SOWAHA: variants seen among roughly 807,000 people sequenced by gnomAD.
SOWAHA encodes the protein ankyrin repeat domain-containing protein SOWAHA.
A neutral mutation model predicts 21.1 loss-of-function variants in SOWAHA; 17 were observed. The observed-to-expected ratio is 0.80, with a 90% CI of 0.55 to 1.21. The LOEUF is 1.21. Ranked by LOEUF, SOWAHA falls within the 50% of genes most tolerant of loss-of-function variation. The pLI is 0.00. For missense variants in SOWAHA, 862 were observed against 816.0 expected, an observed-to-expected ratio of 1.06 and a Z score of -0.69; for synonymous variants, 422 against 397.1, an observed-to-expected ratio of 1.06 and a Z score of -0.75.
Position 132,815,073 on chromosome 5 carries a change from T to G in SOWAHA, c.1452T>G (p.Ala484=). Residue 484 remains alanine, a synonymous_variant, in exon 1 of 1, where the codon GCT becomes GCG. Coordinates refer to ENST00000378693, the MANE Select transcript of SOWAHA (RefSeq NM_175873.6). ...STTSAFLGVL[A]DDLMLQDLAR... is the part of the protein sequence containing the mutation. ...CCAGTGCATTTCTGGGCGTCCTGGC[T>G]GACGACCTCATGCTCCAGGACCTGG... 1 of 1,612,774 alleles carries G rather than the reference T, an allele frequency of 6.2e-7. No individual in the cohort carries two copies. Among genetic ancestry groups the G allele is most frequent in the Non-Finnish European group, 8.5e-7 (1 of 1,179,230 alleles).
Position 132,815,407 on chromosome 5 carries a change from C to T in SOWAHA, c.*136C>T. 1 of 735,360 alleles carries T rather than the reference C, an allele frequency of 1.4e-6. No individual in the cohort carries two copies. The highest frequency in any genetic ancestry group is 2.2e-6 in the Non-Finnish European group (1 of 451,710). The allele number at this position is 735,360 out of a possible 1,614,324, so 45.6% of individuals were successfully genotyped here. A position where few individuals can be genotyped will look rare whatever the true frequency, so the allele number is the denominator to read the frequency against. Reference sequence around the variant, plus strand: ...TTTGTCCAGGGCAGCCTGTTTTACCCAGATGGGCCTGCACCTCCAGCTTCT... The same window carrying T: ...TTTGTCCAGGGCAGCCTGTTTTACCTAGATGGGCCTGCACCTCCAGCTTCT... On this transcript the variant is annotated 3_prime_UTR_variant, in exon 1 of 1. Coordinates refer to ENST00000378693, the MANE Select transcript of SOWAHA (RefSeq NM_175873.6).
In SOWAHA at chr5:132,813,496, A is replaced by C; in HGVS notation, c.-126A>C. On this transcript the variant is annotated 5_prime_UTR_variant, in exon 1 of 1. Coordinates refer to ENST00000378693, the MANE Select transcript of SOWAHA (RefSeq NM_175873.6). Reference sequence around the variant, plus strand: ...GCGACCGAGGTCCAGCTTCGGGGACACGCCCGGCTGGCCGCGGGGAAGGCA... The same window carrying C: ...GCGACCGAGGTCCAGCTTCGGGGACCCGCCCGGCTGGCCGCGGGGAAGGCA... 1 of 584,484 alleles carries C rather than the reference A, an allele frequency of 1.7e-6. No homozygotes were observed. 36.2% of individuals were successfully genotyped at this position (584,484 alleles called of 1,614,324 possible).
Position 132,814,914 on chromosome 5 carries a change from G to A in SOWAHA, c.1293G>A (p.Ser431=), listed in dbSNP as rs753498449. Residue 431 remains serine (S), a synonymous_variant, in exon 1 of 1, where the codon TCG becomes TCA. Transcript: ENST00000378693. ...ACCAGTACCTGCGGCCCGGCTCCTCGTACGCGCTGCGCCGCCTTCTTGGCG... is the reference window on the plus strand; with the variant it reads ...ACCAGTACCTGCGGCCCGGCTCCTCATACGCGCTGCGCCGCCTTCTTGGCG... The part of the protein sequence containing the change: ...RAYQYLRPGS[S]YALRRLLGDP... The A allele has an allele frequency of 5.8e-6, 9 of 1,548,482 alleles. No individual in the cohort carries two copies. The highest frequency in any genetic ancestry group is 3.4e-4 in the Middle Eastern group (2 of 5,810).
chr5:132,814,619 G>A lies in SOWAHA; in HGVS notation c.998G>A (p.Arg333His), dbSNP rs1019088796. The change falls in exon 1 of 1, where the codon CGC becomes CAC. Residue 333 changes from arginine (R) to histidine (H), a missense_variant. Transcript: ENST00000378693. ...CACCAGCTGCACGGGCTGCTGCTGCGCGACCGCGGCTTGGCGGCCAAGCGC... is the reference window on the plus strand; with the variant it reads ...CACCAGCTGCACGGGCTGCTGCTGCACGACCGCGGCTTGGCGGCCAAGCGC... ...WTHQLHGLLL[R>H]DRGLAAKRDF... 3 of 1,519,454 alleles carry A rather than the reference G, an allele frequency of 2.0e-6. No individual in the cohort carries two copies. The highest frequency in any genetic ancestry group is 1.2e-5 in the South Asian group (1 of 82,126). The allele number at this position is 1,519,454 out of a possible 1,614,324, so 94.1% of individuals were successfully genotyped here.
Position 132,814,447 on chromosome 5 carries a change from C to G in SOWAHA, c.826C>G (p.Pro276Ala), listed in dbSNP as rs1331150662. ...LGLGLGPGRS[P>A]HLRRLSRAGP... ...CCTCGGCCTGGGCCCGGGCCGCTCC[C>G]CGCACCTGAGGCGCCTGTCGCGCGC... Residue 276 changes from proline (P) to alanine (A), a missense_variant, in exon 1 of 1, where the codon CCG becomes GCG. Coordinates refer to ENST00000378693, the MANE Select transcript of SOWAHA (RefSeq NM_175873.6). 3.4e-6 allele frequency: 5 copies of G among 1,462,942 alleles called. No homozygotes were observed. Among genetic ancestry groups the G allele is most frequent in the African/African-American group, 3.0e-5 (2 of 67,544 alleles). The allele number at this position is 1,462,942 out of a possible 1,614,324, so 90.6% of individuals were successfully genotyped here.
In SOWAHA at chr5:132,814,929, C is replaced by G. The variant is rs781739042; in HGVS notation, c.1308C>G (p.Arg436=). 6.4e-7 allele frequency: 1 copy of G among 1,559,136 alleles called. No individual in the cohort carries two copies. ...CCGGCTCCTCGTACGCGCTGCGCCG[C>G]CTTCTTGGCGATCCAGGCCTGCGAG... ...LRPGSSYALR[R]LLGDPGLRGT... Residue 436 remains arginine (R), a synonymous_variant, in exon 1 of 1, where the codon CGC becomes CGG. Transcript: ENST00000378693.
Position 132,816,564 on chromosome 5 carries a change from ATC to A in SOWAHA, c.*1295_*1296del, listed in dbSNP as rs1758387100. On this transcript the variant is annotated 3_prime_UTR_variant, in exon 1 of 1. Coordinates refer to ENST00000378693, the MANE Select transcript of SOWAHA (RefSeq NM_175873.6). ...TTATTTTATGTTTTAAAGATATGAA[ATC>A]TGTTTACTCAACCAATTTTTTAAAT... 6.0e-6 allele frequency: 1 copy of A among 167,124 alleles called. No individual in the cohort carries two copies. The highest frequency in any genetic ancestry group is 1.5e-5 in the Non-Finnish European group (1 of 68,116). The allele number at this position is 167,124 out of a possible 1,614,324, so 10.4% of individuals were successfully genotyped here.
rs1185389351 is a variant in SOWAHA at position 132,814,730 on chromosome 5, G to T, written c.1109G>T (p.Arg370Leu). Residue 370 changes from arginine to leucine, a missense_variant, in exon 1 of 1, where the codon CGG becomes CTG. Transcript: ENST00000378693. Reference sequence around the variant, plus strand: ...GCGCTGCAGCTGGTGGAGGTCGCGCGGCGCAGTGGCGCACCAGTCGACGTG... The same window carrying T: ...GCGCTGCAGCTGGTGGAGGTCGCGCTGCGCAGTGGCGCACCAGTCGACGTG... ...EMALQLVEVA[R>L]RSGAPVDVNA... 13 of 1,514,052 alleles carry T rather than the reference G, an allele frequency of 8.6e-6. 1 individual carries two copies. In the South Asian group the frequency reaches 1.5e-4, roughly 17 times the overall value. The allele number at this position is 1,514,052 out of a possible 1,614,324, so 93.8% of individuals were successfully genotyped here.
At position 132,814,824 on chromosome 5, in the gene SOWAHA, C is replaced by G. The variant is rs372218297; in HGVS notation, c.1203C>G (p.Ala401=). The change falls in exon 1 of 1, where the codon GCC becomes GCG. Residue 401 remains alanine (A), a synonymous_variant. Transcript: ENST00000378693. ...LAALHGHEDA[A]VLLVVRLGAQ... is the part of the protein sequence containing the mutation. The stretch of plus-strand genomic sequence containing the variant: ...CACTGCACGGCCACGAGGACGCTGC[C>G]GTGCTGCTGGTGGTGCGTCTGGGTG... The G allele has an allele frequency of 6.6e-7, 1 of 1,518,256 alleles. No individual in the cohort carries two copies. The highest frequency in any genetic ancestry group is 8.8e-7 in the Non-Finnish European group (1 of 1,132,362). 94.0% of individuals were successfully genotyped at this position (1,518,256 alleles called of 1,614,324 possible). A position where few individuals can be genotyped will look rare whatever the true frequency, so the allele number is the denominator to read the frequency against.
At position 132,813,700 on chromosome 5, in the gene SOWAHA, G is replaced by C. The variant is rs1318249246; in HGVS notation, c.79G>C (p.Gly27Arg). Reference protein sequence around the residue: ...AAVLGFLQEHGGKVRNSELLS... With the variant: ...AAVLGFLQEHRGKVRNSELLS... ...GGTGCTGGGCTTCCTGCAGGAGCAC[G>C]GCGGGAAGGTGCGCAACTCCGAGCT... Residue 27 changes from glycine to arginine, a missense_variant, in exon 1 of 1, where the codon GGC becomes CGC. Coordinates refer to ENST00000378693, the MANE Select transcript of SOWAHA (RefSeq NM_175873.6). 6.5e-7 allele frequency: 1 copy of C among 1,535,620 alleles called. No individual in the cohort carries two copies.
Position 132,816,164 on chromosome 5 carries a change from T to TA in SOWAHA, c.*900dup, listed in dbSNP as rs771364701. ...GATTTGGCATGACTACTTAATTTTT[T>TA]AAAAAAATTGTGGTTTGTGAATTGC... On this transcript the variant is annotated 3_prime_UTR_variant, in exon 1 of 1. Coordinates refer to ENST00000378693, the MANE Select transcript of SOWAHA (RefSeq NM_175873.6). 6.0e-6 allele frequency: 1 copy of TA among 167,224 alleles called. No individual in the cohort carries two copies. Among genetic ancestry groups the TA allele is most frequent in the South Asian group, 2.1e-4 (1 of 4,828 alleles). 10.4% of individuals were successfully genotyped at this position (167,224 alleles called of 1,614,324 possible).
chr5:132,814,689 C>T lies in SOWAHA; in HGVS notation c.1068C>T (p.Ser356=), dbSNP rs1401196843. The change falls in exon 1 of 1, where the codon AGC becomes AGT. Residue 356 remains serine, a synonymous_variant. Transcript: ENST00000378693. ...GFTALHWAAK[S]GDGEMALQLV... ...CGGCCCTGCATTGGGCCGCCAAGAG[C>T]GGCGACGGCGAGATGGCGCTGCAGC... The T allele has an allele frequency of 6.6e-7, 1 of 1,512,620 alleles. No individual in the cohort carries two copies. Among genetic ancestry groups the T allele is most frequent in the Non-Finnish European group, 8.8e-7 (1 of 1,134,512 alleles). 93.7% of individuals were successfully genotyped at this position (1,512,620 alleles called of 1,614,324 possible).
In SOWAHA at chr5:132,814,375, T is replaced by C; in HGVS notation, c.754T>C (p.Ser252Pro). The stretch of plus-strand genomic sequence containing the variant: ...GTCGGAGGAGCCGAGCCCGCGGAGC[T>C]CCCCTCTGCTGCTGAGGCGGCTCTC... ...QLSEEPSPRSSPLLLRRLSVE... is the reference protein window; with the variant it reads ...QLSEEPSPRSPPLLLRRLSVE... Residue 252 changes from serine to proline, a missense_variant, in exon 1 of 1, where the codon TCC becomes CCC. Physicochemically the swap from Ser to Pro is moderately conservative, Grantham distance 74. Transcript: ENST00000378693. 2 of 1,491,230 alleles carry C rather than the reference T, an allele frequency of 1.3e-6. No homozygotes were observed. The highest frequency in any genetic ancestry group is 1.3e-5 in the South Asian group (1 of 79,880). The allele number at this position is 1,491,230 out of a possible 1,614,324, so 92.4% of individuals were successfully genotyped here. A position where few individuals can be genotyped will look rare whatever the true frequency, so the allele number is the denominator to read the frequency against.
At position 132,815,013 on chromosome 5, in the gene SOWAHA, C is replaced by G. The variant is rs1466222260; in HGVS notation, c.1392C>G (p.Pro464=). Residue 464 remains proline, a synonymous_variant, in exon 1 of 1, where the codon CCC becomes CCG. Coordinates refer to ENST00000378693, the MANE Select transcript of SOWAHA (RefSeq NM_175873.6). ...GTGGCAGTCTTGCTGCCAGGCGCCCCGTACAGGTGGCCGCCACCATCCTCA... is the reference window on the plus strand; with the variant it reads ...GTGGCAGTCTTGCTGCCAGGCGCCCGGTACAGGTGGCCGCCACCATCCTCA... ...GGSGSLAARR[P]VQVAATILSS... 6.2e-7 allele frequency: 1 copy of G among 1,601,450 alleles called. No individual in the cohort carries two copies.
At position 132,813,902 on chromosome 5, in the gene SOWAHA, G is replaced by A; in HGVS notation, c.281G>A (p.Gly94Asp). The A allele has an allele frequency of 9.7e-6, 15 of 1,547,042 alleles. No individual in the cohort carries two copies. Among genetic ancestry groups the A allele is most frequent in the Non-Finnish European group, 1.2e-5 (14 of 1,145,618 alleles). The change falls in exon 1 of 1, where the codon GGC becomes GAC. Residue 94 changes from glycine (G) to aspartate (D), a missense_variant. Physicochemically the swap from Gly to Asp is moderately conservative, Grantham distance 94. Coordinates refer to ENST00000378693, the MANE Select transcript of SOWAHA (RefSeq NM_175873.6). ...RPPEPEPAPF[G>D]PPGAAAQPSK... ...CCGGAGCCCGAGCCCGCACCCTTCG[G>A]CCCCCCGGGGGCAGCGGCCCAGCCG...
At position 132,813,969 on chromosome 5, in the gene SOWAHA, C is replaced by T; in HGVS notation, c.348C>T (p.Ala116=). 1 of 1,543,940 alleles carries T rather than the reference C, an allele frequency of 6.5e-7. No homozygotes were observed. The highest frequency in any genetic ancestry group is 8.7e-7 in the Non-Finnish European group (1 of 1,144,992). The change falls in exon 1 of 1, where the codon GCC becomes GCT. Residue 116 remains alanine (A), a synonymous_variant. Coordinates refer to ENST00000378693, the MANE Select transcript of SOWAHA (RefSeq NM_175873.6). ...CGGTCTTGCCGCGGAGCGCCTCTGC[C>T]CCGGGAGCTCCGCCCTTGGTCCGGG... ...TSTVLPRSAS[A]PGAPPLVRVP...
rs1002915018 is a variant in SOWAHA, at chr5:132,813,732, C to T, written c.111C>T (p.Ser37=). The T allele has an allele frequency of 1.4e-4, 216 of 1,545,594 alleles. No homozygotes were observed. The highest frequency in any genetic ancestry group is 1.7e-4 in the Non-Finnish European group (199 of 1,145,048). Reference sequence around the variant, plus strand: ...AGGTGCGCAACTCCGAGCTGCTGAGCCGCTTCAAGCCGCTGCTCGATGCCG... The same window carrying T: ...AGGTGCGCAACTCCGAGCTGCTGAGTCGCTTCAAGCCGCTGCTCGATGCCG... ...GGKVRNSELL[S]RFKPLLDAGD... The change falls in exon 1 of 1, where the codon AGC becomes AGT. Residue 37 remains serine, a synonymous_variant. Transcript: ENST00000378693.
Position 132,813,972 on chromosome 5 carries a change from G to A in SOWAHA, c.351G>A (p.Pro117=), listed in dbSNP as rs964712926. 6.5e-6 allele frequency: 10 copies of A among 1,543,672 alleles called. No homozygotes were observed. The South Asian group carries it at 9.5e-5, about 15-fold the overall frequency. ...STVLPRSASA[P]GAPPLVRVPR... The stretch of plus-strand genomic sequence containing the variant: ...TCTTGCCGCGGAGCGCCTCTGCCCC[G>A]GGAGCTCCGCCCTTGGTCCGGGTGC... The change falls in exon 1 of 1, where the codon CCG becomes CCA. Residue 117 remains proline, a synonymous_variant. Transcript: ENST00000378693.
rs1282515153 is a variant in SOWAHA, at chr5:132,816,667, T to C, written c.*1396T>C. The C allele has an allele frequency of 1.2e-5, 2 of 167,144 alleles. No individual in the cohort carries two copies. The highest frequency in any genetic ancestry group is 2.9e-5 in the Non-Finnish European group (2 of 68,126). 10.4% of individuals were successfully genotyped at this position (167,144 alleles called of 1,614,324 possible). A position where few individuals can be genotyped will look rare whatever the true frequency, so the allele number is the denominator to read the frequency against. The stretch of plus-strand genomic sequence containing the variant: ...AGTTATATCAAATAGTTTTGTGGCA[T>C]GGGGTAGTGGAGCTTCCCTCCCCAC... On this transcript the variant is annotated 3_prime_UTR_variant, in exon 1 of 1. Transcript: ENST00000378693.
Sources: gnomAD v4.1 joint callset for allele counts on GRCh38, gnomAD v4.1.1 for gene constraint, MANE v1.5 for transcripts, NCBI Gene and HGNC (gene_info 2026-07-23, HGNC 2026-07-21) for gene names.